Variants in FAM171A1 observed in about 807,000 individuals in gnomAD.
FAM171A1 encodes protein FAM171A1.
FAM171A1 carries 23 observed loss-of-function variants against 74.9 expected under a neutral mutation model. The ratio of observed to expected loss-of-function variants is 0.31; its 90% confidence interval spans 0.22 to 0.44. FAM171A1 has a LOEUF of 0.44. Ranked by LOEUF, FAM171A1 falls within the 20% of genes least tolerant of loss-of-function variation. The pLI is 1.00. For missense variants in FAM171A1, 1,162 were observed against 1,159.2 expected (o/e 1.00, Z -0.03); for synonymous variants, 527 against 505.7 (o/e 1.04, Z -0.57).
intron 3 of FAM171A1, among the ~76,000 whole-genome samples, chr10:15,270,212 G>T (rs972801419): frequency 6.6e-6 from 1 of 152,116 alleles, no homozygotes; most frequent in Admixed American, 6.6e-5. Context: ...CTTAGCAAAC[G>T]GCACACCAGG....
intron 6 of FAM171A1, among the ~76,000 whole-genome samples, chr10:15,219,295 G>C (rs1000379473): frequency 6.6e-6 from 1 of 151,762 alleles, no homozygotes; most frequent in African/African-American, 2.4e-5. Context: ...AAAAACAAAC[G>C]AACAACAACA....
rs1486603100 is a variant in FAM171A1 at position 15,213,508 on chromosome 10, T to A, written c.2080A>T (p.Met694Leu). The change falls in exon 8 of 8, where the codon ATG becomes TTG. Residue 694 changes from methionine to leucine, a missense_variant. Physicochemically the swap from Met to Leu is conservative, Grantham distance 15 (BLOSUM62 2). Transcript: ENST00000378116. The surrounding 1 kb of genome is among the most constrained non-coding windows in gnomAD (Gnocchi z 6.8). ...EVQLLTEKAL[M>L]ELGGGKPLPH... ...AGCGGCTTCCCACCCCCAAGCTCCA[T>A]CAGGGCCTTTTCAGTCAGGAGCTGC... is the stretch of plus-strand genomic sequence containing the variant. The A allele has an allele frequency of 6.2e-7, 1 of 1,614,084 alleles. No individual in the cohort carries two copies. The highest frequency in any genetic ancestry group is 1.7e-5 in the Admixed American group (1 of 60,016).
intron 1 of FAM171A1, among the ~76,000 whole-genome samples, chr10:15,337,202 A>T (rs1006526799): frequency 3.9e-5 from 6 of 152,126 alleles, no homozygotes; most frequent in Non-Finnish European, 8.8e-5. Context: ...TATACAAAAT[A>T]ATTCAGGTCT....
intron 1 of FAM171A1, among the ~76,000 whole-genome samples, chr10:15,300,974 T>C (rs1358661645): frequency 1.3e-5 from 2 of 152,262 alleles, no homozygotes; most frequent in Non-Finnish European, 2.9e-5. Flanking sequence ...CGGAAGGAGC[T>C]GACCATGCCT....
intron 1 of FAM171A1, among the ~76,000 whole-genome samples, chr10:15,287,390 C>CTTT (rs201908913): frequency 7.1e-6 from 1 of 140,758 alleles, no homozygotes; most frequent in African/African-American, 2.6e-5. Flanking sequence ...CCGCGCCGGC[C>CTTT]TCTTTTTTTT....
chr10:15,313,503 T>G (rs1326104543), intron 1 of FAM171A1, among the ~76,000 whole-genome samples: 1 of 152,166 alleles, frequency 6.6e-6, no homozygotes, highest in African/African-American at 2.4e-5. Flanking sequence ...AAATTGAAGA[T>G]GAAAATATAT....
intron 1 of FAM171A1, among the ~76,000 whole-genome samples, chr10:15,302,137 C>A (rs1284477304): frequency 6.6e-6 from 1 of 152,132 alleles, no homozygotes; most frequent in African/African-American, 2.4e-5. Context: ...ACTTAGACCC[C>A]CACCTGCCAG....
At chr10:15,320,274 T>C (rs1423760489) in intron 1 of FAM171A1, among the ~76,000 whole-genome samples, 1 of 152,228 alleles carries the variant, frequency 6.6e-6, no homozygotes, top group Admixed American at 6.5e-5. Context: ...CTCCAGTTGA[T>C]CCATGTTGCT....
At chr10:15,282,553 G>A (rs1447090869) in intron 2 of FAM171A1, among the ~76,000 whole-genome samples, 1 of 152,090 alleles carries the variant, frequency 6.6e-6, no homozygotes, top group African/African-American at 2.4e-5. Context: ...TGTTTGAGGT[G>A]GCTATGGACC....
At chr10:15,275,287 AG>A in intron 3 of FAM171A1, among the ~76,000 whole-genome samples, 1 of 150,050 alleles carries the variant, frequency 6.7e-6, no homozygotes, top group South Asian at 2.1e-4. Context: ...ATTCCATTTA[AG>A]TTTTTTTTTT....
At chr10:15,240,314 T>C (rs555916919) in intron 5 of FAM171A1, among the ~76,000 whole-genome samples, 2 of 152,182 alleles carry the variant, frequency 1.3e-5, no homozygotes, top group South Asian at 2.1e-4. Flanking sequence ...TGAGCTGAGA[T>C]TGTGCTACTG....
intron 5 of FAM171A1, among the ~76,000 whole-genome samples, chr10:15,231,537 C>G (rs1834205606): frequency 6.6e-6 from 1 of 152,084 alleles, no homozygotes; most frequent in Middle Eastern, 3.4e-3. Context: ...CCGGGTGATG[C>G]AGGTGCCGTT....
In FAM171A1 at chr10:15,289,999, G is replaced by A. The variant is rs543331601; in HGVS notation, c.98-5894C>T. ...AATCCCAGCACTTTGGGAGGCCGAG[G>A]CGGGCGGGTCACGAGGTCAGGAGTT... On this transcript the variant is annotated intron_variant, in intron 1 of 7. Transcript: ENST00000378116. Among the ~76,000 whole-genome samples, 3 of 152,306 alleles carry A rather than the reference G, an allele frequency of 2.0e-5. No homozygotes were observed. The South Asian group carries it at 6.2e-4, about 32-fold the overall frequency.
chr10:15,370,871 C>A, intron 1 of FAM171A1, 85 bp downstream of exon 1: 2 of 603,046 alleles, frequency 3.3e-6, no homozygotes, highest in Non-Finnish European at 4.1e-6. Context: ...GGCCCGGGAC[C>A]CTCCCGCCGC....
intron 1 of FAM171A1, among the ~76,000 whole-genome samples, chr10:15,332,289 C>T (rs1835648724): frequency 6.6e-6 from 1 of 152,058 alleles, no homozygotes; most frequent in African/African-American, 2.4e-5. Flanking sequence ...GTATTTTATG[C>T]TCACCTTTTA....
intron 5 of FAM171A1, among the ~76,000 whole-genome samples, chr10:15,233,111 G>A (rs574929022): frequency 8.6e-5 from 13 of 152,016 alleles, no homozygotes; most frequent in African/African-American, 2.4e-4. Context: ...TGGCTAACAC[G>A]GTGAAACCCC....
intron 2 of FAM171A1, among the ~76,000 whole-genome samples, chr10:15,276,372 G>A (rs994101803): frequency 6.6e-6 from 1 of 152,046 alleles, no homozygotes; most frequent in Non-Finnish European, 1.5e-5. Context: ...GTAGATACAG[G>A]GTTTTACTGT....
intron 1 of FAM171A1, among the ~76,000 whole-genome samples, chr10:15,287,068 A>G (rs1261788545): frequency 1.3e-5 from 2 of 151,650 alleles, no homozygotes; most frequent in South Asian, 2.1e-4. Flanking sequence ...TGTGCACGAC[A>G]CATACACACA....
chr10:15,371,417 C>G (rs910884946), upstream of FAM171A1, among the ~76,000 whole-genome samples: 30 of 149,008 alleles, frequency 2.0e-4, no homozygotes, highest in African/African-American at 6.6e-4. Context: ...GCCCCCAGCC[C>G]GACCCCCGGC....
Sources: allele counts gnomAD v4.1 joint callset (sites outside exome capture counted in the v4.1 genomes callset), GRCh38; gene constraint gnomAD v4.1.1; non-coding constraint Gnocchi (gnomAD v3.1); transcripts MANE v1.5; gene names NCBI Gene and HGNC (gene_info 2026-07-23, HGNC 2026-07-21).